The following KPNA4 variants were observed in gnomAD, a reference collection of about 807,000 sequenced individuals.
KPNA4 encodes karyopherin subunit alpha 4, also known as importin subunit alpha-3.
A neutral mutation model predicts 71.3 loss-of-function variants in KPNA4; 13 were observed. The ratio of observed to expected loss-of-function variants is 0.18; its 90% CI spans 0.12 to 0.29. KPNA4 has a LOEUF of 0.29. Ranked by LOEUF, KPNA4 falls within the 10% of genes least tolerant of loss-of-function variation. The pLI is 1.00. For synonymous variants in KPNA4, 189 were observed against 195.2 expected (o/e 0.97, Z 0.26); for missense variants, 334 against 603.2 (o/e 0.55, Z 4.67).
chr3:160,549,249 C>T (rs771876532), intron 1 of KPNA4, among the ~76,000 whole-genome samples: 5 of 152,108 alleles, frequency 3.3e-5, no homozygotes, highest in Non-Finnish European at 7.4e-5. Context: ...TCTTTTCACT[C>T]GATTGTTTCC....
intron 1 of KPNA4, among the ~76,000 whole-genome samples, chr3:160,563,006 A>G (rs768555682): frequency 1.3e-4 from 20 of 152,230 alleles, no homozygotes; most frequent in Admixed American, 9.2e-4. Flanking sequence ...TTTCCATATG[A>G]TCTAGCAATT....
At chr3:160,517,338 TATC>T (rs779446205) in intron 11 of KPNA4, among the ~76,000 whole-genome samples, 14 of 152,122 alleles carry the variant, frequency 9.2e-5, no homozygotes, top group Non-Finnish European at 1.6e-4. Context: ...TGTGTGAATG[TATC>T]ATATTTTATT....
chr3:160,516,162 T>A (rs911321160), intron 11 of KPNA4, among the ~76,000 whole-genome samples: 3 of 149,166 alleles, frequency 2.0e-5, no homozygotes, highest in African/African-American at 7.4e-5. Context: ...AATTCTGTAA[T>A]TTTTTTTTTA....
At chr3:160,512,483 ATGAC>A (rs1344472496) in intron 13 of KPNA4, among the ~76,000 whole-genome samples, 2 of 152,246 alleles carry the variant, frequency 1.3e-5, no homozygotes, top group Non-Finnish European at 2.9e-5. Context: ...ATTCTAAAAA[ATGAC>A]TGATAAGGAC....
At chr3:160,512,454 G>A (rs2108545065) in intron 13 of KPNA4, among the ~76,000 whole-genome samples, 1 of 152,272 alleles carries the variant, frequency 6.6e-6, no homozygotes, top group Admixed American at 6.5e-5. Context: ...CTGCTTTCAA[G>A]GTTATTAGGG....
At position 160,519,801 on chromosome 3, in the gene KPNA4, CAAAAAAAAAA is replaced by C. The variant is rs558355699; in HGVS notation, c.903+1968_903+1977del. On this transcript the variant is annotated intron_variant, in intron 11 of 16. Transcript: ENST00000334256. ...TGGGCGACAGAGCGAGACTCCGTCT[CAAAAAAAAAA>C]AAAAAAAAAAAAAAATAGGCTTAAA... 1.1e-4 allele frequency among the ~76,000 whole-genome samples: 9 copies of C among 83,692 alleles called. 1 individual carries two copies. The highest frequency in any genetic ancestry group is 2.1e-4 in the Non-Finnish European group (9 of 43,688). The allele number at this position is 83,692 out of a possible 152,430, so 54.9% of individuals were successfully genotyped here.
At chr3:160,518,837 G>A (rs1721287207) in intron 11 of KPNA4, among the ~76,000 whole-genome samples, 1 of 151,884 alleles carries the variant, frequency 6.6e-6, no homozygotes, top group Admixed American at 6.6e-5. Context: ...CTCCAGCCTG[G>A]GCAACAGAGC....
At chr3:160,522,651 G>C (rs1289345401) in intron 10 of KPNA4, among the ~76,000 whole-genome samples, 3 of 152,202 alleles carry the variant, frequency 2.0e-5, no homozygotes, top group African/African-American at 7.2e-5. Flanking sequence ...GTAGAGACGG[G>C]GTTTCACCGT....
At chr3:160,510,034 A>T (rs1187627513) in intron 13 of KPNA4, among the ~76,000 whole-genome samples, 163 bp from the exon 14 acceptor site, 1 of 152,154 alleles carries the variant, frequency 6.6e-6, no homozygotes, top group Non-Finnish European at 1.5e-5. Flanking sequence ...AACTATTCCC[A>T]ATCTACCCTA....
chr3:160,530,394 T>C (rs1721550352), intron 7 of KPNA4, among the ~76,000 whole-genome samples: 1 of 151,798 alleles, frequency 6.6e-6, no homozygotes, highest in African/African-American at 2.4e-5. Context: ...CGGAAGGGTC[T>C]CTTGAGCCTG....
intron 1 of KPNA4, among the ~76,000 whole-genome samples, chr3:160,558,464 T>C (rs1722181340): frequency 6.6e-6 from 1 of 152,230 alleles, no homozygotes; most frequent in Non-Finnish European, 1.5e-5. Context: ...TTGTTAAACA[T>C]TTCAAAGGCT....
chr3:160,516,211 C>T lies in KPNA4; in HGVS notation c.904-631G>A, dbSNP rs572203978. 5.9e-5 allele frequency among the ~76,000 whole-genome samples: 9 copies of T among 152,058 alleles called. No homozygotes were observed. In the South Asian group the frequency reaches 1.0e-3, roughly 18 times the overall value. On this transcript the variant is annotated intron_variant, in intron 11 of 16. Coordinates refer to ENST00000334256, the MANE Select transcript of KPNA4 (RefSeq NM_002268.5). The stretch of plus-strand genomic sequence containing the variant: ...TTTGCCACGTTGGCCAGGCTGGTCT[C>T]GAACCCCTGACTTTAGGTGATCTGC...
chr3:160,530,239 C>A (rs898849031), intron 7 of KPNA4, among the ~76,000 whole-genome samples: 1 of 150,848 alleles, frequency 6.6e-6, no homozygotes, highest in East Asian at 2.0e-4. Flanking sequence ...GAGGCCAAAG[C>A]AGGTTGATCA....
intron 16 of KPNA4, among the ~76,000 whole-genome samples, chr3:160,502,956 C>T (rs1720913173): frequency 6.6e-6 from 1 of 152,004 alleles, no homozygotes; most frequent in Admixed American, 6.6e-5. Flanking sequence ...ACTAAAAATA[C>T]AAAAATTAGC....
intron 5 of KPNA4, among the ~76,000 whole-genome samples, chr3:160,532,629 T>C (rs1005418443): frequency 6.6e-6 from 1 of 152,240 alleles, no homozygotes; most frequent in Admixed American, 6.5e-5. Context: ...CAGTGTGGCC[T>C]AATCATATCT....
rs1032009523 is a variant in KPNA4 at position 160,532,069 on chromosome 3, G to A, written c.288-512C>T. Among the ~76,000 whole-genome samples the A allele has an allele frequency of 3.9e-5, 6 of 152,240 alleles. No homozygotes were observed. In the East Asian group the frequency reaches 7.7e-4, roughly 20 times the overall value. ...GGCCTCCCAAAGTGCTGGGATTACC[G>A]GCGTGAGCCACGGAGCCTGGCCACT... On this transcript the variant is annotated intron_variant, in intron 5 of 16. Coordinates refer to ENST00000334256, the MANE Select transcript of KPNA4 (RefSeq NM_002268.5).
At chr3:160,543,487 C>A (rs1416457519) in intron 1 of KPNA4, among the ~76,000 whole-genome samples, 1 of 151,868 alleles carries the variant, frequency 6.6e-6, no homozygotes, top group African/African-American at 2.4e-5. Context: ...TGTGCACCAC[C>A]AAGCCTGGCT....
chr3:160,529,810 G>T (rs1721534090), intron 7 of KPNA4, among the ~76,000 whole-genome samples: 1 of 151,864 alleles, frequency 6.6e-6, no homozygotes, highest in Non-Finnish European at 1.5e-5. Context: ...TTTCAACTAG[G>T]ACTACTTTAT....
At chr3:160,519,189 T>G (rs1721293360) in intron 11 of KPNA4, among the ~76,000 whole-genome samples, 1 of 152,232 alleles carries the variant, frequency 6.6e-6, no homozygotes, top group Non-Finnish European at 1.5e-5. Context: ...CTAACAATAT[T>G]AGACAATCCA....
Sources: gnomAD v4.1 joint callset for allele counts (sites outside exome capture counted in the v4.1 genomes callset) on GRCh38, gnomAD v4.1.1 for gene constraint, MANE v1.5 for transcripts, NCBI Gene and HGNC (gene_info 2026-07-23, HGNC 2026-07-21) for gene names.